Variants in UBE2D4 observed in about 807,000 individuals in gnomAD.
The protein encoded by UBE2D4 is ubiquitin conjugating enzyme E2 D4.
UBE2D4 carries 17 observed loss-of-function variants against 23.0 expected under a neutral mutation model. That is an observed-to-expected ratio of 0.74 (90% CI 0.51 to 1.11). UBE2D4 has a LOEUF of 1.11. Ranked by LOEUF, UBE2D4 falls within the 50% of genes least tolerant of loss-of-function variation. The pLI is 0.00. For missense variants in UBE2D4, 139 were observed against 181.8 expected (o/e 0.76, Z 1.35); for synonymous variants, 61 against 69.4 (o/e 0.88, Z 0.60).
At chr7:43,945,775 C>T (rs948306194) in intron 4 of UBE2D4, among the ~76,000 whole-genome samples, 2 of 139,734 alleles carry the variant, frequency 1.4e-5, no homozygotes, top group African/African-American at 5.1e-5. Context: ...AGGCAAAATC[C>T]CTTTTTTTTT....
At chr7:43,926,691 C>G (rs1373774348) in intron 1 of UBE2D4, 135 bp downstream of exon 1, 9 of 925,880 alleles carry the variant, frequency 9.7e-6, no homozygotes, top group Non-Finnish European at 1.4e-5. Flanking sequence ...GGAGGCAGAA[C>G]AGCCTCCCGC....
chr7:43,927,425 T>C (rs1432289479), intron 1 of UBE2D4, among the ~76,000 whole-genome samples: 1 of 150,688 alleles, frequency 6.6e-6, no homozygotes, highest in African/African-American at 2.4e-5. Context: ...TGATCCTCCC[T>C]CCTCAGCTTC....
At position 43,952,660 on chromosome 7, in the gene UBE2D4, C is replaced by T; in HGVS notation, c.409C>T (p.Leu137=). 6.2e-7 allele frequency: 1 copy of T among 1,613,820 alleles called. No individual in the cohort carries two copies. Among genetic ancestry groups the T allele is most frequent in the South Asian group, 1.1e-5 (1 of 91,076 alleles). ...GCTTTTTTATTCCAGGTACAACAGA[C>T]TAGCAAGAGAGTGGACACAAAAATA... ...YKADREKYNR[L]AREWTQKYAM The change falls in exon 7 of 7, where the codon CTA becomes TTA. Residue 137 remains leucine, a synonymous_variant. Coordinates refer to ENST00000222402, the MANE Select transcript of UBE2D4 (RefSeq NM_015983.4).
At chr7:43,933,064 T>C (rs1029032712) in intron 1 of UBE2D4, among the ~76,000 whole-genome samples, 15 of 146,156 alleles carry the variant, frequency 1.0e-4, no homozygotes, top group African/African-American at 3.5e-4. Context: ...ATAACATATA[T>C]ACACACATAT....
At position 43,942,983 on chromosome 7, in the gene UBE2D4, C is replaced by T. The variant is rs1236678481; in HGVS notation, c.150C>T (p.Phe50=). 1 of 1,614,170 alleles carries T rather than the reference C, an allele frequency of 6.2e-7. No individual in the cohort carries two copies. The highest frequency in any genetic ancestry group is 8.5e-7 in the Non-Finnish European group (1 of 1,180,024). The change falls in exon 4 of 7, where the codon TTC becomes TTT. Residue 50 remains phenylalanine, a synonymous_variant. Coordinates refer to ENST00000222402, the MANE Select transcript of UBE2D4 (RefSeq NM_015983.4). ...PNDSPYQGGV[F]FLTIHFPTDY... ...ACAGTCCTTACCAAGGAGGTGTTTT[C>T]TTCCTGACCATCCACTTTCCTACAG...
In UBE2D4 at chr7:43,934,639, C is replaced by CT. The variant is rs34428425; in HGVS notation, c.25-3780dup. On this transcript the variant is annotated intron_variant, in intron 1 of 6. Coordinates refer to ENST00000222402, the MANE Select transcript of UBE2D4 (RefSeq NM_015983.4). ...CTCCACCTCCCGGGCTAAAGCAATT[C>CT]TTTTTTTTTTTTCCCACAAGAAGAA... Among the ~76,000 whole-genome samples the CT allele has an allele frequency of 8.7e-3, 1,267 of 145,338 alleles. 19 individuals carry two copies. Among genetic ancestry groups the CT allele is most frequent in the African/African-American group, 0.029 (1,138 of 39,628 alleles).
chr7:43,945,776 C>CTTTTTTTTTTT (rs11339851), intron 4 of UBE2D4, among the ~76,000 whole-genome samples: 2 of 84,190 alleles, frequency 2.4e-5, no homozygotes, highest in Non-Finnish European at 4.5e-5. Context: ...GGCAAAATCC[C>CTTTTTTTTTTT]TTTTTTTTTT....
At chr7:43,930,904 G>C (rs541815645) in intron 1 of UBE2D4, among the ~76,000 whole-genome samples, 4 of 152,208 alleles carry the variant, frequency 2.6e-5, no homozygotes, top group African/African-American at 9.6e-5. Flanking sequence ...GGGAGGCTGA[G>C]GCGGGCAGAT....
At chr7:43,927,374 A>G (rs1239886991) in intron 1 of UBE2D4, among the ~76,000 whole-genome samples, 1 of 146,744 alleles carries the variant, frequency 6.8e-6, no homozygotes, top group East Asian at 2.0e-4. Context: ...GTACAGTGGC[A>G]CAATCATGGC....
intron 2 of UBE2D4, among the ~76,000 whole-genome samples, chr7:43,940,280 A>G (rs2095968541): frequency 1.3e-5 from 2 of 152,172 alleles, no homozygotes; most frequent in Non-Finnish European, 2.9e-5. Context: ...GTCTCCTGGT[A>G]CCTGCTCATC....
intron 1 of UBE2D4, among the ~76,000 whole-genome samples, chr7:43,935,170 T>G (rs2095955829): frequency 6.6e-6 from 1 of 152,190 alleles, no homozygotes; most frequent in Non-Finnish European, 1.5e-5. Flanking sequence ...AACAACCCTG[T>G]GAGGTAGGGA....
intron 1 of UBE2D4, among the ~76,000 whole-genome samples, chr7:43,926,921 C>A (rs1380207729): frequency 6.6e-6 from 1 of 152,116 alleles, no homozygotes; most frequent in Non-Finnish European, 1.5e-5. Context: ...AGTAGGAACT[C>A]GGCAGGTGGG....
At chr7:43,948,574 G>T (rs921668864) in intron 4 of UBE2D4, 58 bp from the exon 5 acceptor site, 3 of 1,150,572 alleles carry the variant, frequency 2.6e-6, no homozygotes, top group African/African-American at 1.5e-5. Flanking sequence ...TGCTTTACTT[G>T]GTTCATTTCC....
At chr7:43,933,735 C>T (rs1418898319) in intron 1 of UBE2D4, among the ~76,000 whole-genome samples, 1 of 151,990 alleles carries the variant, frequency 6.6e-6, no homozygotes, top group Non-Finnish European at 1.5e-5. Flanking sequence ...CACAGTGAGA[C>T]CCTGTCTCTA....
At chr7:43,927,868 G>A in intron 1 of UBE2D4, 1 of 345,664 alleles carries the variant, frequency 2.9e-6, no homozygotes, top group Middle Eastern at 1.0e-3. Flanking sequence ...CTCAATACGA[G>A]TTAGCTGCTG....
At chr7:43,926,660 G>T (rs1260586896) in intron 1 of UBE2D4, 104 bp downstream of exon 1, 1 of 1,271,440 alleles carries the variant, frequency 7.9e-7, no homozygotes, top group Non-Finnish European at 1.1e-6. Flanking sequence ...TCCGCGAGTC[G>T]CGGATACACC....
rs1029466274 is a variant in UBE2D4 at position 43,944,487 on chromosome 7, C to G, written c.198+1456C>G. ...TTGATGCCTCAATTTGAGTCAGAGG[C>G]TTAGCTGCTGTTTTGCATGTTGTTT... is the stretch of plus-strand genomic sequence containing the variant. On this transcript the variant is annotated intron_variant, in intron 4 of 6. Transcript: ENST00000222402. This position sits in a 1 kb window ranked among gnomAD's most constrained non-coding sequence, Gnocchi z 4.0. 5 of 152,230 alleles carry G rather than the reference C, an allele frequency of 3.3e-5. No individual in the cohort carries two copies. The highest frequency in any genetic ancestry group is 7.3e-5 in the Non-Finnish European group (5 of 68,058). 9.4% of individuals were successfully genotyped at this position (152,230 alleles called of 1,614,324 possible).
intron 4 of UBE2D4, among the ~76,000 whole-genome samples, chr7:43,947,422 T>G (rs144372912): frequency 6.6e-6 from 1 of 152,122 alleles, no homozygotes; most frequent in African/African-American, 2.4e-5. Context: ...TGAGCCACCA[T>G]GCCTGGCCCA....
chr7:43,943,971 A>C (rs1436012890), intron 4 of UBE2D4: 1 of 153,566 alleles, frequency 6.5e-6, no homozygotes, highest in Non-Finnish European at 1.4e-5. Context: ...GGGGAACTGC[A>C]GGAGCTCAGC....
Sources: allele counts gnomAD v4.1 joint callset (sites outside exome capture counted in the v4.1 genomes callset), GRCh38; gene constraint gnomAD v4.1.1; non-coding constraint Gnocchi (gnomAD v3.1); transcripts MANE v1.5; gene names NCBI Gene and HGNC (gene_info 2026-07-23, HGNC 2026-07-21).